The following KCNQ5 variants were observed in gnomAD, a reference collection of about 807,000 sequenced individuals.
The protein encoded by KCNQ5 is potassium voltage-gated channel subfamily KQT member 5.
A neutral mutation model predicts 98.2 loss-of-function variants in KCNQ5; 30 were observed. The ratio of observed to expected loss-of-function variants is 0.31; its 90% confidence interval spans 0.23 to 0.41. The LOEUF is 0.41. Among genes scored for constraint, KCNQ5 ranks in the 10% least tolerant of loss-of-function variants. The probability of loss-of-function intolerance (pLI) is 1.00; values close to 1 mark genes in which losing one functional copy is unlikely to be tolerated. For missense variants in KCNQ5, 835 were observed against 1,182.5 expected, an observed-to-expected ratio of 0.71 and a Z score of 4.31; for synonymous variants, 458 against 449.4, an observed-to-expected ratio of 1.02 and a Z score of -0.24.
chr6:72,849,552 C>T (rs1206817307), intron 1 of KCNQ5, among the ~76,000 whole-genome samples: 1 of 152,056 alleles, frequency 6.6e-6, no homozygotes, highest in East Asian at 1.9e-4. Context: ...TAAACTGGTG[C>T]CATGTGGTTT....
At chr6:72,812,128 G>A (rs2150105580) in intron 1 of KCNQ5, among the ~76,000 whole-genome samples, 1 of 152,260 alleles carries the variant, frequency 6.6e-6, no homozygotes, top group South Asian at 2.1e-4. Flanking sequence ...GATGACCAAA[G>A]GTCACTTTCA....
At chr6:73,022,044 C>A (rs1489717358) in intron 2 of KCNQ5, among the ~76,000 whole-genome samples, 2 of 152,104 alleles carry the variant, frequency 1.3e-5, no homozygotes, top group Admixed American at 6.6e-5. Flanking sequence ...AATAGTATAA[C>A]ATGAGTCTGT....
intron 1 of KCNQ5, among the ~76,000 whole-genome samples, chr6:72,900,437 G>A (rs1244634158): frequency 7.2e-6 from 1 of 138,018 alleles, no homozygotes; most frequent in Non-Finnish European, 1.5e-5. Context: ...GTATATATAT[G>A]ATATATATAT....
At chr6:72,907,607 C>T (rs1779757103) in intron 1 of KCNQ5, among the ~76,000 whole-genome samples, 1 of 152,122 alleles carries the variant, frequency 6.6e-6, no homozygotes, top group African/African-American at 2.4e-5. Context: ...TAGGCTATCT[C>T]CTTTTCTTCC....
At chr6:72,698,552 C>A (rs1768625995) in intron 1 of KCNQ5, among the ~76,000 whole-genome samples, 1 of 150,370 alleles carries the variant, frequency 6.7e-6, no homozygotes, top group South Asian at 2.1e-4. Context: ...ATTTTCTGGT[C>A]ATTATATGAA....
chr6:72,987,364 TC>T, intron 1 of KCNQ5: 1 of 719,166 alleles, frequency 1.4e-6, no homozygotes, highest in Non-Finnish European at 2.6e-6. Flanking sequence ...CAAGGAGAGA[TC>T]GATCGAGAGT....
At chr6:72,828,124 T>C (rs141072536) in intron 1 of KCNQ5, among the ~76,000 whole-genome samples, 160 of 152,278 alleles carry the variant, frequency 1.1e-3, no homozygotes, top group African/African-American at 3.7e-3. Context: ...CTGTTGTAGT[T>C]CCTGCAGGTT....
At chr6:73,089,665 G>A (rs979764711) in intron 5 of KCNQ5, among the ~76,000 whole-genome samples, 1 of 151,952 alleles carries the variant, frequency 6.6e-6, no homozygotes, top group Non-Finnish European at 1.5e-5. Flanking sequence ...AGGATGTTTG[G>A]TTTTCCATTC....
chr6:72,941,657 C>T (rs1766309308), intron 1 of KCNQ5, among the ~76,000 whole-genome samples: 1 of 115,586 alleles, frequency 8.7e-6, no homozygotes, highest in African/African-American at 3.1e-5. Flanking sequence ...CCCGCACCTC[C>T]CTCCCCATCT....
intron 1 of KCNQ5, among the ~76,000 whole-genome samples, chr6:72,624,651 T>A (rs2098917151): frequency 6.6e-6 from 1 of 152,348 alleles, no homozygotes; most frequent in Admixed American, 6.5e-5. Flanking sequence ...GCAGTATCTT[T>A]AGTAGTAGAC....
chr6:72,785,112 A>G (rs1773669037), intron 1 of KCNQ5, among the ~76,000 whole-genome samples: 2 of 152,248 alleles, frequency 1.3e-5, no homozygotes, highest in African/African-American at 4.8e-5. Context: ...GCTTTCATTT[A>G]GCATCTCATG....
In KCNQ5 at chr6:72,623,128, A is replaced by T. The variant is rs573535579; in HGVS notation, c.398+541A>T. Among the ~76,000 whole-genome samples, 40 of 152,190 alleles carry T rather than the reference A, an allele frequency of 2.6e-4. 1 individual carries two copies. The highest frequency in any genetic ancestry group is 9.4e-4 in the African/African-American group (39 of 41,538). Reference sequence around the variant, plus strand: ...CTAGGTTTTAAGCGCGCCCGGAAACACGCCTCGCCACCACCCAGCCACCAC... The same window carrying T: ...CTAGGTTTTAAGCGCGCCCGGAAACTCGCCTCGCCACCACCCAGCCACCAC... On this transcript the variant is annotated intron_variant, in intron 1 of 13. Coordinates refer to ENST00000370398, the MANE Select transcript of KCNQ5 (RefSeq NM_019842.4).
rs146371236 is a variant in KCNQ5 at position 72,755,770 on chromosome 6, A to G, written c.398+133183A>G. 2.4e-4 allele frequency among the ~76,000 whole-genome samples: 37 copies of G among 152,306 alleles called. No homozygotes were observed. In the East Asian group the frequency reaches 2.9e-3, roughly 12 times the overall value. On this transcript the variant is annotated intron_variant, in intron 1 of 13. Transcript: ENST00000370398. ...AATAATTTTTAAAAATATCCTTTAT[A>G]TGTACCTTTATTTCTATCATTTTCA...
intron 11 of KCNQ5, among the ~76,000 whole-genome samples, chr6:73,173,476 A>C (rs1778087850): frequency 6.6e-6 from 1 of 152,206 alleles, no homozygotes. Flanking sequence ...TGTCTTAAAA[A>C]TATAGCCCAT....
At chr6:73,063,698 A>AGATAGATAGATAGATAGAT (rs1562156149) in intron 3 of KCNQ5, among the ~76,000 whole-genome samples, 5 of 117,522 alleles carry the variant, frequency 4.3e-5, no homozygotes, top group Non-Finnish European at 9.1e-5. Context: ...ATAGATAGAT[A>AGATAGATAGATAGATAGAT]GATAGATAGA....
intron 8 of KCNQ5, 91 bp downstream of exon 8, chr6:73,120,668 T>C: frequency 1.3e-6 from 1 of 752,374 alleles, no homozygotes; most frequent in Non-Finnish European, 2.1e-6. Flanking sequence ...AAGGTGTTAA[T>C]GTTTGGCTTC....
chr6:73,157,147 A>C (rs1367088850), intron 10 of KCNQ5, among the ~76,000 whole-genome samples: 4 of 152,258 alleles, frequency 2.6e-5, no homozygotes, highest in African/African-American at 9.6e-5. Flanking sequence ...CATTCGTGCC[A>C]GGAAACATGC....
intron 5 of KCNQ5, among the ~76,000 whole-genome samples, chr6:73,095,297 C>A (rs1465485597): frequency 1.3e-5 from 2 of 152,066 alleles, no homozygotes; most frequent in African/African-American, 4.8e-5. Context: ...TTTATGCTAT[C>A]TATTTCCTTG....
At chr6:72,718,681 C>T (rs1389350323) in intron 1 of KCNQ5, among the ~76,000 whole-genome samples, 2 of 151,874 alleles carry the variant, frequency 1.3e-5, no homozygotes, top group Non-Finnish European at 2.9e-5. Context: ...AATCTCTTGA[C>T]CTCGTGATCC....
Sources: gnomAD v4.1 joint callset for allele counts (sites outside exome capture counted in the v4.1 genomes callset) on GRCh38, gnomAD v4.1.1 for gene constraint, MANE v1.5 for transcripts, NCBI Gene and HGNC (gene_info 2026-07-23, HGNC 2026-07-21) for gene names.